Variants in OXCT1 observed in about 807,000 individuals in gnomAD.
The protein encoded by OXCT1 is succinyl-CoA:3-ketoacid coenzyme A transferase 1, mitochondrial.
Under a neutral mutation model 69.6 loss-of-function variants are expected in OXCT1, and 27 were observed. The observed-to-expected ratio is 0.39, with a 90% CI of 0.29 to 0.54. OXCT1 has a LOEUF of 0.54. OXCT1 is among the 20% of genes least tolerant of loss of function. The pLI is 0.72. For synonymous variants in OXCT1, 202 were observed against 217.8 expected (o/e 0.93, Z 0.64); for missense variants, 437 against 650.2 (o/e 0.67, Z 3.57).
At chr5:41,753,288 CATAG>C (rs1743892342) in intron 14 of OXCT1, among the ~76,000 whole-genome samples, 1 of 138,006 alleles carries the variant, frequency 7.2e-6, no homozygotes, top group South Asian at 2.4e-4. Flanking sequence ...CACACACACA[CATAG>C]ACACACACAC....
chr5:41,853,332 A>T, intron 4 of OXCT1, 87 bp downstream of exon 4: 1 of 1,213,316 alleles, frequency 8.2e-7, no homozygotes, highest in South Asian at 1.2e-5. Flanking sequence ...CTTCTGCCTT[A>T]CCTCTTTTGC....
chr5:41,823,738 G>A (rs1310564705), intron 7 of OXCT1, among the ~76,000 whole-genome samples: 2 of 152,104 alleles, frequency 1.3e-5, no homozygotes, highest in Non-Finnish European at 2.9e-5. Flanking sequence ...ATTACCAGTA[G>A]TTACTATATA....
chr5:41,746,052 A>G (rs1475555161), intron 15 of OXCT1, among the ~76,000 whole-genome samples: 1 of 152,190 alleles, frequency 6.6e-6, no homozygotes, highest in Non-Finnish European at 1.5e-5. Context: ...TCATTTTATG[A>G]GGCCAGCATT....
intron 16 of OXCT1, 110 bp from the exon 17 acceptor site, chr5:41,731,880 G>C (rs1458810315): frequency 1.2e-5 from 15 of 1,267,078 alleles, no homozygotes; most frequent in Non-Finnish European, 1.7e-5. Flanking sequence ...CCTTGCCATG[G>C]ACATTCCCTG....
chr5:41,821,479 G>A (rs1218609876), intron 7 of OXCT1, among the ~76,000 whole-genome samples: 1 of 152,212 alleles, frequency 6.6e-6, no homozygotes, highest in Non-Finnish European at 1.5e-5. Flanking sequence ...TCCAAGGAGT[G>A]TAATTGCTGG....
chr5:41,778,553 T>A (rs1321944736), intron 13 of OXCT1, among the ~76,000 whole-genome samples: 1 of 152,228 alleles, frequency 6.6e-6, no homozygotes, highest in East Asian at 1.9e-4. Context: ...ATGTCACATG[T>A]CATATGACCC....
At chr5:41,853,622 G>A in intron 3 of OXCT1, 68 bp from the exon 4 acceptor site, 1 of 1,503,224 alleles carries the variant, frequency 6.7e-7, no homozygotes, top group Admixed American at 1.7e-5. Flanking sequence ...TTTTTAAAGA[G>A]ATAAAACTTT....
chr5:41,799,524 C>T (rs982193472), intron 11 of OXCT1, among the ~76,000 whole-genome samples: 1 of 152,104 alleles, frequency 6.6e-6, no homozygotes, highest in South Asian at 2.1e-4. Flanking sequence ...CTTCTAAGCT[C>T]TATGGAATCA....
At chr5:41,846,587 A>C (rs1748918089) in intron 5 of OXCT1, among the ~76,000 whole-genome samples, 1 of 151,974 alleles carries the variant, frequency 6.6e-6, no homozygotes, top group African/African-American at 2.4e-5. Context: ...TGCTGCAATA[A>C]ACATACGTGT....
At chr5:41,798,411 G>A (rs543636545) in intron 11 of OXCT1, among the ~76,000 whole-genome samples, 3 of 152,216 alleles carry the variant, frequency 2.0e-5, no homozygotes, top group East Asian at 1.9e-4. Flanking sequence ...TAACTCCAGC[G>A]GATAGGGAAA....
At chr5:41,794,406 A>G (rs1746077860) in intron 12 of OXCT1, 1 of 596,062 alleles carries the variant, frequency 1.7e-6, no homozygotes, top group African/African-American at 1.9e-5. Flanking sequence ...AAAATGTTAG[A>G]ATCCTCAGAA....
chr5:41,733,685 C>T (rs1436799860), intron 16 of OXCT1, among the ~76,000 whole-genome samples: 3 of 152,118 alleles, frequency 2.0e-5, no homozygotes, highest in Non-Finnish European at 4.4e-5. Context: ...CTATTTTGAG[C>T]TCTTAATGTC....
chr5:41,739,444 G>A lies in OXCT1; in HGVS notation c.1467C>T (p.Leu489=). 6.2e-7 allele frequency: 1 copy of A among 1,613,908 alleles called. No individual in the cohort carries two copies. The highest frequency in any genetic ancestry group is 8.5e-7 in the Non-Finnish European group (1 of 1,179,840). ...DKKKGLTLIE[L]WEGLTVDDVQ... is the part of the protein sequence containing the mutation. ...CGTCATCCACTGTCAGGCCTTCCCA[G>A]AGCTCAATCAGAGTCAACCCTTTCT... Residue 489 remains leucine (L), a synonymous_variant, in exon 16 of 17, where the codon CTC becomes CTT. Transcript: ENST00000196371.
intron 7 of OXCT1, among the ~76,000 whole-genome samples, chr5:41,812,152 C>T (rs1162716071): frequency 1.3e-5 from 2 of 151,804 alleles, no homozygotes; most frequent in African/African-American, 4.8e-5. Flanking sequence ...GAATAAATTG[C>T]TTGGTAAAGT....
chr5:41,737,224 C>T (rs539804911), intron 16 of OXCT1, among the ~76,000 whole-genome samples: 6 of 152,260 alleles, frequency 3.9e-5, no homozygotes, highest in African/African-American at 9.6e-5. Flanking sequence ...TTCATCTCAA[C>T]ATCCTAATTT....
At chr5:41,759,994 A>G (rs1162071024) in intron 14 of OXCT1, among the ~76,000 whole-genome samples, 3 of 152,168 alleles carry the variant, frequency 2.0e-5, no homozygotes, top group African/African-American at 4.8e-5. Flanking sequence ...GTTACCTGGC[A>G]TATCTAAAAG....
At chr5:41,801,481 G>T (rs528522085) in intron 10 of OXCT1, among the ~76,000 whole-genome samples, 2 of 152,166 alleles carry the variant, frequency 1.3e-5, no homozygotes, top group African/African-American at 4.8e-5. Context: ...ATCACTTGAG[G>T]CCAGTTCAAA....
intron 5 of OXCT1, 57 bp downstream of exon 5, chr5:41,849,973 C>T: frequency 6.3e-7 from 1 of 1,581,680 alleles, no homozygotes; most frequent in South Asian, 1.1e-5. Context: ...ATGATCCACC[C>T]AAAATCCCAC....
Position 41,846,237 on chromosome 5 carries a change from C to T in OXCT1, c.565-3456G>A, listed in dbSNP as rs1214920394. ...TGCTGGTGTGCTGCACCCACTAACTCGTCATCTAGCATTAGGGATATCTCC... is the reference window on the plus strand; with the variant it reads ...TGCTGGTGTGCTGCACCCACTAACTTGTCATCTAGCATTAGGGATATCTCC... On this transcript the variant is annotated intron_variant, in intron 5 of 16. Coordinates refer to ENST00000196371, the MANE Select transcript of OXCT1 (RefSeq NM_000436.4). Among the ~76,000 whole-genome samples, 28 of 149,126 alleles carry T rather than the reference C, an allele frequency of 1.9e-4. No homozygotes were observed. The East Asian group carries it at 4.6e-3, about 24-fold the overall frequency.
Sources: gnomAD v4.1 joint callset for allele counts (sites outside exome capture counted in the v4.1 genomes callset) on GRCh38, gnomAD v4.1.1 for gene constraint, MANE v1.5 for transcripts, NCBI Gene and HGNC (gene_info 2026-07-23, HGNC 2026-07-21) for gene names.